The following EPHB2 variants were observed in gnomAD, a reference collection of about 807,000 sequenced individuals.
The protein encoded by EPHB2 is ephrin type-B receptor 2.
EPHB2 carries 18 observed loss-of-function variants against 96.4 expected under a neutral mutation model. That is an observed-to-expected ratio of 0.19 (90% CI 0.13 to 0.28). The LOEUF is 0.28. Ranked by LOEUF, EPHB2 falls within the 10% of genes least tolerant of loss-of-function variation. EPHB2 has a pLI of 1.00. For synonymous variants in EPHB2, 506 were observed against 534.1 expected (o/e 0.95, Z 0.72); for missense variants, 989 against 1,355.4 (o/e 0.73, Z 4.25).
intron 3 of EPHB2, among the ~76,000 whole-genome samples, chr1:22,835,499 G>A (rs1645367813): frequency 6.6e-6 from 1 of 152,238 alleles, no homozygotes; most frequent in African/African-American, 2.4e-5. Context: ...GATATATAAA[G>A]ACTGGGTTGC....
chr1:22,803,947 T>G (rs978919820), intron 3 of EPHB2, among the ~76,000 whole-genome samples: 2 of 151,682 alleles, frequency 1.3e-5, no homozygotes, highest in Non-Finnish European at 2.9e-5. Flanking sequence ...GAGATAGTGG[T>G]TAGGAGGCCA....
chr1:22,820,508 A>G (rs1325671616), intron 3 of EPHB2, among the ~76,000 whole-genome samples: 3 of 151,736 alleles, frequency 2.0e-5, no homozygotes, highest in Non-Finnish European at 4.4e-5. Context: ...ACAAAATACA[A>G]AAAAATTAGC....
chr1:22,807,657 C>T (rs1644945975), intron 3 of EPHB2, among the ~76,000 whole-genome samples: 2 of 151,008 alleles, frequency 1.3e-5, no homozygotes, highest in African/African-American at 5.0e-5. Context: ...CACCAACAGA[C>T]CCTTACACAG....
chr1:22,836,504 G>A (rs1295406530), intron 3 of EPHB2, among the ~76,000 whole-genome samples: 1 of 152,246 alleles, frequency 6.6e-6, no homozygotes, highest in Non-Finnish European at 1.5e-5. Flanking sequence ...CCTGCATGCA[G>A]GAGGGAGTGC....
intron 9 of EPHB2, among the ~76,000 whole-genome samples, chr1:22,902,667 A>G (rs1026594642): frequency 6.6e-6 from 1 of 152,232 alleles, no homozygotes; most frequent in Non-Finnish European, 1.5e-5. Context: ...CAGCATGAAC[A>G]AGACAGACAC....
chr1:22,890,637 G>T (rs1249527685), intron 6 of EPHB2, among the ~76,000 whole-genome samples: 1 of 152,082 alleles, frequency 6.6e-6, no homozygotes, highest in African/African-American at 2.4e-5. Context: ...GTTTGGCTGT[G>T]TCCCCGCCCA....
intron 6 of EPHB2, among the ~76,000 whole-genome samples, chr1:22,890,512 T>C (rs1639356319): frequency 6.6e-6 from 1 of 152,156 alleles, no homozygotes; most frequent in Non-Finnish European, 1.5e-5. Flanking sequence ...CTGCCCCTTC[T>C]GCCAGGCATG....
In EPHB2 at chr1:22,906,711, G is replaced by A; in HGVS notation, c.1890G>A (p.Gly630=). The part of the protein sequence containing the change: ...CVKIEQVIGA[G]EFGEVCSGHL... ...TCTGTCTTGGTGTTTCTCTCTCAGG[G>A]GAGTTTGGCGAGGTCTGCAGTGGCC... The change falls in exon 11 of 16, where the codon GGG becomes GGA. Residue 630 remains glycine (G), a splice_region_variant and synonymous_variant. Transcript: ENST00000374630. The surrounding 1 kb of genome is among the most constrained non-coding windows in gnomAD (Gnocchi z 4.8). The A allele has an allele frequency of 6.2e-7, 1 of 1,614,088 alleles. No homozygotes were observed. The highest frequency in any genetic ancestry group is 8.5e-7 in the Non-Finnish European group (1 of 1,180,008).
chr1:22,773,445 G>T (rs1458297996), intron 1 of EPHB2, among the ~76,000 whole-genome samples: 1 of 152,182 alleles, frequency 6.6e-6, no homozygotes, highest in Non-Finnish European at 1.5e-5. Flanking sequence ...AAGAGCCTGG[G>T]CTGGCATCTG....
intron 9 of EPHB2, among the ~76,000 whole-genome samples, chr1:22,896,845 G>A (rs574618465): frequency 1.3e-5 from 2 of 152,210 alleles, no homozygotes; most frequent in African/African-American, 4.8e-5. Flanking sequence ...AGTGGTGGCC[G>A]CTGGAGACCT....
In EPHB2 at chr1:22,915,472, G is replaced by C. The variant is rs1361295714; in HGVS notation, c.*1902G>C. The stretch of plus-strand genomic sequence containing the variant: ...AGGGCAGAGAAAACACATGGAGAAC[G>C]ACAGCTCCACGTGGCCTTTCTGGCC... On this transcript the variant is annotated 3_prime_UTR_variant, in exon 16 of 16. Transcript: ENST00000374630. 1 of 152,174 alleles carries C rather than the reference G, an allele frequency of 6.6e-6. No homozygotes were observed. The highest frequency in any genetic ancestry group is 1.5e-5 in the Non-Finnish European group (1 of 68,044). The allele number at this position is 152,174 out of a possible 1,614,324, so 9.4% of individuals were successfully genotyped here. A position where few individuals can be genotyped will look rare whatever the true frequency, so the allele number is the denominator to read the frequency against.
rs1477519269 is a variant in EPHB2, at chr1:22,906,683, C to T, written c.1889-27C>T. On this transcript the variant is annotated intron_variant, in intron 10 of 15. Coordinates refer to ENST00000374630, the MANE Select transcript of EPHB2 (RefSeq NM_017449.5). The surrounding 1 kb of genome is among the most constrained non-coding windows in gnomAD (Gnocchi z 4.8). ...GCCCTTCCACCTGGCAAGTGACATCCTGTCTGTCTTGGTGTTTCTCTCTCA... is the reference window on the plus strand; with the variant it reads ...GCCCTTCCACCTGGCAAGTGACATCTTGTCTGTCTTGGTGTTTCTCTCTCA... 6.2e-7 allele frequency: 1 copy of T among 1,613,982 alleles called. No homozygotes were observed.
intron 1 of EPHB2, among the ~76,000 whole-genome samples, chr1:22,747,754 C>T (rs1476516874): frequency 6.6e-6 from 1 of 152,228 alleles, no homozygotes; most frequent in African/African-American, 2.4e-5. Context: ...GGAATGAACC[C>T]ATTTGTTGGT....
At chr1:22,797,946 G>T (rs545551956) in intron 3 of EPHB2, among the ~76,000 whole-genome samples, 1 of 151,968 alleles carries the variant, frequency 6.6e-6, no homozygotes, top group Non-Finnish European at 1.5e-5. Context: ...CTGAGATCCC[G>T]CATCACCCAA....
At chr1:22,714,725 G>T (rs1643247339) in intron 1 of EPHB2, among the ~76,000 whole-genome samples, 1 of 152,188 alleles carries the variant, frequency 6.6e-6, no homozygotes, top group South Asian at 2.1e-4. Context: ...AGCCAGATCT[G>T]GTCCTGGACA....
chr1:22,825,786 A>C (rs1378980182), intron 3 of EPHB2, among the ~76,000 whole-genome samples: 2 of 152,222 alleles, frequency 1.3e-5, no homozygotes, highest in Non-Finnish European at 2.9e-5. Context: ...GGTCACCAGG[A>C]CCCTGCTGCA....
rs74061052 is a variant in EPHB2 at position 22,848,617 on chromosome 1, G to A, written c.812-14420G>A. On this transcript the variant is annotated intron_variant, in intron 3 of 15. Transcript: ENST00000374630. The stretch of plus-strand genomic sequence containing the variant: ...TGATTTATGGCTTGGGTTAGCTGAG[G>A]CCTTCTCCTGCTCCCCAGAAGTCAA... 1.5e-3 allele frequency among the ~76,000 whole-genome samples: 227 copies of A among 152,326 alleles called. 1 individual carries two copies. Among genetic ancestry groups the A allele is most frequent in the African/African-American group, 5.2e-3 (218 of 41,568 alleles).
chr1:22,831,796 C>A (rs1400710342), intron 3 of EPHB2, among the ~76,000 whole-genome samples: 3 of 152,124 alleles, frequency 2.0e-5, no homozygotes, highest in Admixed American at 6.5e-5. Context: ...ACACCCTCCC[C>A]TTGGGCTCTT....
At chr1:22,872,888 T>A (rs903775410) in intron 5 of EPHB2, among the ~76,000 whole-genome samples, 2 of 152,194 alleles carry the variant, frequency 1.3e-5, no homozygotes, top group African/African-American at 2.4e-5. Flanking sequence ...GAGCCCCCTG[T>A]GTGCTTATGC....
Sources: gnomAD v4.1 joint callset for allele counts (sites outside exome capture counted in the v4.1 genomes callset) on GRCh38, gnomAD v4.1.1 for gene constraint, Gnocchi (gnomAD v3.1) non-coding constraint, MANE v1.5 for transcripts, NCBI Gene and HGNC (gene_info 2026-07-23, HGNC 2026-07-21) for gene names.